The following CYP7B1 variants were observed in gnomAD, a reference collection of about 807,000 sequenced individuals.
CYP7B1 encodes the protein cytochrome P450 family 7 subfamily B member 1.
Under a neutral mutation model 42.7 loss-of-function variants are expected in CYP7B1, and 29 were observed. The ratio of observed to expected loss-of-function variants is 0.68; its 90% CI spans 0.51 to 0.93. The LOEUF (loss-of-function observed/expected upper bound fraction) is 0.93, where lower values mean the gene tolerates loss of function less well. Among genes scored for constraint, CYP7B1 ranks in the 40% least tolerant of loss-of-function variants. The pLI, the probability that CYP7B1 is intolerant of heterozygous loss-of-function variation, is 0.00. For synonymous variants in CYP7B1, 235 were observed against 218.2 expected (o/e 1.08, Z -0.68); for missense variants, 655 against 600.5 (o/e 1.09, Z -0.95).
intron 1 of CYP7B1, among the ~76,000 whole-genome samples, chr8:64,669,720 CATACAT>C (rs141945652): frequency 0.06 from 9,162 of 151,572 alleles, 356 homozygotes; most frequent in East Asian, 0.15. Flanking sequence ...GAAGGTTTTA[CATACAT>C]ACACACACAC....
At chr8:64,622,506 C>T (rs1585812940) in intron 2 of CYP7B1, among the ~76,000 whole-genome samples, 1 of 152,062 alleles carries the variant, frequency 6.6e-6, no homozygotes, top group East Asian at 1.9e-4. Flanking sequence ...GGTAGGTGGA[C>T]CAGGGAATAA....
At chr8:64,684,147 G>A (rs1806584600) in intron 1 of CYP7B1, among the ~76,000 whole-genome samples, 2 of 152,194 alleles carry the variant, frequency 1.3e-5, no homozygotes, top group Non-Finnish European at 2.9e-5. Context: ...GGTAAGGGTA[G>A]GCATTCAGCA....
At chr8:64,735,352 T>G (rs922973959) in intron 1 of CYP7B1, among the ~76,000 whole-genome samples, 1 of 152,040 alleles carries the variant, frequency 6.6e-6, no homozygotes, top group Non-Finnish European at 1.5e-5. Flanking sequence ...TAAGAAAAAT[T>G]TATATCTATA....
At chr8:64,600,846 T>C (rs1481097056) in intron 5 of CYP7B1, among the ~76,000 whole-genome samples, 1 of 152,252 alleles carries the variant, frequency 6.6e-6, no homozygotes, top group Admixed American at 6.5e-5. Context: ...GCAGAAAACT[T>C]TTCTCAATAG....
chr8:64,646,441 C>T (rs973666770), intron 1 of CYP7B1, among the ~76,000 whole-genome samples: 10 of 152,140 alleles, frequency 6.6e-5, no homozygotes, highest in Non-Finnish European at 8.8e-5. Flanking sequence ...CAAAAAACAC[C>T]ACATTCTTAA....
intron 1 of CYP7B1, among the ~76,000 whole-genome samples, chr8:64,657,875 A>G (rs1215906625): frequency 1.3e-5 from 2 of 152,252 alleles, no homozygotes; most frequent in Non-Finnish European, 1.5e-5. Context: ...TCAGTCTGCT[A>G]TAATGAAATA....
At chr8:64,711,133 C>A (rs1807073161) in intron 1 of CYP7B1, among the ~76,000 whole-genome samples, 1 of 152,160 alleles carries the variant, frequency 6.6e-6, no homozygotes, top group African/African-American at 2.4e-5. Flanking sequence ...GTTTTCAAAT[C>A]TCTCAAAGTT....
intron 1 of CYP7B1, among the ~76,000 whole-genome samples, chr8:64,739,413 A>G: frequency 6.6e-6 from 1 of 152,212 alleles, no homozygotes; most frequent in East Asian, 1.9e-4. Context: ...GTGGAGACAA[A>G]AACGAGAACA....
chr8:64,727,541 T>A (rs1408729823), intron 1 of CYP7B1, among the ~76,000 whole-genome samples: 1 of 152,176 alleles, frequency 6.6e-6, no homozygotes, highest in African/African-American at 2.4e-5. Flanking sequence ...AGAATTATCA[T>A]GAAGATTCCA....
At chr8:64,626,648 C>A (rs1368224153) in intron 1 of CYP7B1, among the ~76,000 whole-genome samples, 1 of 152,038 alleles carries the variant, frequency 6.6e-6, no homozygotes, top group African/African-American at 2.4e-5. Context: ...GTAATCTTAG[C>A]AAGATTATAC....
At position 64,615,751 on chromosome 8, in the gene CYP7B1, A is replaced by G. The variant is rs1486182596; in HGVS notation, c.790T>C (p.Phe264Leu). ...LAKMQGWSEV[F>L]QSRQDVLEKY... ...TCCAGGACATCTTGCCTGCTTTGAA[A>G]AACTTCTGACCATCCTTGCATCTTG... The change falls in exon 3 of 6, where the codon TTT (phenylalanine) becomes CTT (leucine). Residue 264 changes from phenylalanine to leucine, a missense_variant. Physicochemically the swap from Phe to Leu is conservative, Grantham distance 22 (BLOSUM62 0). Transcript: ENST00000310193. 3 of 1,613,638 alleles carry G rather than the reference A, an allele frequency of 1.9e-6. No homozygotes were observed. The highest frequency in any genetic ancestry group is 2.5e-6 in the Non-Finnish European group (3 of 1,179,794).
intron 1 of CYP7B1, among the ~76,000 whole-genome samples, chr8:64,792,817 G>A (rs536835443): frequency 6.6e-6 from 1 of 152,260 alleles, no homozygotes; most frequent in South Asian, 2.1e-4. Flanking sequence ...AGCTGATACT[G>A]TAAACGGGTT....
At chr8:64,606,463 C>T (rs1312524358) in intron 4 of CYP7B1, among the ~76,000 whole-genome samples, 1 of 152,106 alleles carries the variant, frequency 6.6e-6, no homozygotes, top group Non-Finnish European at 1.5e-5. Flanking sequence ...TCAACAAGTC[C>T]AGTAGGGGTG....
chr8:64,730,147 C>T (rs544112261), intron 1 of CYP7B1, among the ~76,000 whole-genome samples: 18 of 152,254 alleles, frequency 1.2e-4, no homozygotes, highest in Admixed American at 6.5e-4. Context: ...CTGCAACCTC[C>T]GCCTCCTGGG....
intron 1 of CYP7B1, among the ~76,000 whole-genome samples, chr8:64,796,351 G>A (rs1804702023): frequency 6.6e-6 from 1 of 152,014 alleles, no homozygotes; most frequent in Non-Finnish European, 1.5e-5. Context: ...TGAAGAAACA[G>A]ACAATTATTT....
At chr8:64,731,148 G>A (rs1417772852) in intron 1 of CYP7B1, among the ~76,000 whole-genome samples, 2 of 152,180 alleles carry the variant, frequency 1.3e-5, no homozygotes, top group African/African-American at 4.8e-5. Context: ...AGCAGCGGGA[G>A]AATGGAGTAT....
At position 64,604,682 on chromosome 8, in the gene CYP7B1, C is replaced by T. The variant is rs369566738; in HGVS notation, c.1233G>A (p.Glu411=). The T allele has an allele frequency of 1.2e-5, 19 of 1,613,946 alleles. No homozygotes were observed. Among genetic ancestry groups the T allele is most frequent in the Non-Finnish European group, 1.7e-6 (2 of 1,180,020 alleles). ...HGDPEIFEAP[E]EFRYDRFIED... ...AATCATAGGCTTGATGTTTACTTAC[C>T]TCTGGAGCTTCAAAGATTTCAGGGT... The change falls in exon 5 of 6, where the codon GAG becomes GAA. Residue 411 remains glutamate, a splice_region_variant and synonymous_variant. Coordinates refer to ENST00000310193, the MANE Select transcript of CYP7B1 (RefSeq NM_004820.5).
At chr8:64,679,942 G>T (rs1806510747) in intron 1 of CYP7B1, among the ~76,000 whole-genome samples, 1 of 151,870 alleles carries the variant, frequency 6.6e-6, no homozygotes, top group African/African-American at 2.4e-5. Flanking sequence ...TATCCTCTTG[G>T]CAAAATTATA....
intron 4 of CYP7B1, among the ~76,000 whole-genome samples, chr8:64,607,871 G>A (rs369255536): frequency 1.3e-4 from 20 of 152,168 alleles, no homozygotes; most frequent in South Asian, 4.1e-4. Context: ...ATGCATTGTC[G>A]AAAAATGACC....
Sources: gnomAD v4.1 joint callset for allele counts (sites outside exome capture counted in the v4.1 genomes callset) on GRCh38, gnomAD v4.1.1 for gene constraint, MANE v1.5 for transcripts, NCBI Gene and HGNC (gene_info 2026-07-23, HGNC 2026-07-21) for gene names.